GAD1: variants seen among roughly 807,000 people sequenced by gnomAD.
GAD1 encodes the protein 67 kDa glutamic acid decarboxylase.
GAD1 carries 35 observed loss-of-function variants against 75.2 expected under a neutral mutation model. The observed-to-expected ratio is 0.47, with a 90% CI of 0.36 to 0.62. The LOEUF (loss-of-function observed/expected upper bound fraction) is 0.62, where lower values mean the gene tolerates loss of function less well. GAD1 is among the 20% of genes least tolerant of loss of function. The pLI is 0.00. For missense variants in GAD1, 490 were observed against 758.5 expected, an observed-to-expected ratio of 0.65 and a Z score of 4.16; for synonymous variants, 257 against 271.9, an observed-to-expected ratio of 0.95 and a Z score of 0.54.
chr2:170,822,035 C>T (rs1032117255), intron 2 of GAD1, 52 bp from the exon 3 acceptor site: 1 of 1,466,326 alleles, frequency 6.8e-7, no homozygotes, highest in Non-Finnish European at 9.4e-7. Context: ...CACCCATTTC[C>T]CCGCGGTCGG....
Position 170,860,419 on chromosome 2 carries a change from A to C in GAD1, c.*537A>C, listed in dbSNP as rs1288021108. ...TCCCCATTAGTATCCTGTTAGGGGA[A>C]AATAGTAGCAGAGTCATTGTTACAG... On this transcript the variant is annotated 3_prime_UTR_variant, in exon 17 of 17. Transcript: ENST00000358196. 1 of 158,848 alleles carries C rather than the reference A, an allele frequency of 6.3e-6. No homozygotes were observed. The highest frequency in any genetic ancestry group is 1.4e-5 in the Non-Finnish European group (1 of 71,610). 9.8% of individuals were successfully genotyped at this position (158,848 alleles called of 1,614,324 possible).
intron 3 of GAD1, among the ~76,000 whole-genome samples, chr2:170,828,383 C>CCCTCCTCCCTCTGCTGTCCTCAT: frequency 2.2e-5 from 3 of 137,856 alleles, no homozygotes; most frequent in African/African-American, 8.5e-5. Flanking sequence ...GCTGTCCTCA[C>CCCTCCTCCCTCTGCTGTCCTCAT]CCTCCTCCCT....
intron 3 of GAD1, chr2:170,829,209 C>T: frequency 8.0e-6 from 4 of 501,924 alleles, no homozygotes; most frequent in South Asian, 6.2e-5. Context: ...TGTGAGTTCA[C>T]TGTCACATTC....
intron 3 of GAD1, among the ~76,000 whole-genome samples, chr2:170,828,005 A>G (rs898663040): frequency 6.6e-6 from 1 of 151,984 alleles, no homozygotes; most frequent in Non-Finnish European, 1.5e-5. Flanking sequence ...TGTCTGCCCG[A>G]ATCCTCTGTG....
intron 3 of GAD1, among the ~76,000 whole-genome samples, chr2:170,823,163 G>A (rs186806146): frequency 1.3e-5 from 2 of 152,176 alleles, no homozygotes; most frequent in Admixed American, 1.3e-4. Flanking sequence ...AAGATTAACG[G>A]GCGGCTTATT....
At chr2:170,828,547 A>AC in intron 3 of GAD1, among the ~76,000 whole-genome samples, 1 of 90,440 alleles carries the variant, frequency 1.1e-5, no homozygotes, top group Non-Finnish European at 2.2e-5. Flanking sequence ...TGCTGTCCTC[A>AC]CCCTCCTACC....
At chr2:170,815,850 C>A (rs1701685655), upstream of GAD1, among the ~76,000 whole-genome samples, 1 of 152,224 alleles carries the variant, frequency 6.6e-6, no homozygotes. Flanking sequence ...TCCGCTCGGG[C>A]GCTGGCGGAG....
chr2:170,846,759 A>T (rs913808214), intron 10 of GAD1, among the ~76,000 whole-genome samples: 1 of 152,204 alleles, frequency 6.6e-6, no homozygotes, highest in Non-Finnish European at 1.5e-5. Flanking sequence ...TAATCCCAGC[A>T]CTTTGGGAGG....
intron 3 of GAD1, among the ~76,000 whole-genome samples, chr2:170,828,594 CCCT>C (rs1447886453): frequency 1.4e-5 from 2 of 139,226 alleles, no homozygotes; most frequent in Non-Finnish European, 3.1e-5. Flanking sequence ...CTGTCCTCAC[CCCT>C]CCTCTTCCCT....
At chr2:170,816,602 ACAG>A (rs1701703026), upstream of GAD1, 1 of 151,886 alleles carries the variant, frequency 6.6e-6, no homozygotes, top group African/African-American at 2.4e-5. Flanking sequence ...CTCTCACCCG[ACAG>A]CCTGCCTATT....
At chr2:170,849,725 A>T (rs954402248) in intron 12 of GAD1, among the ~76,000 whole-genome samples, 15 of 152,214 alleles carry the variant, frequency 9.9e-5, no homozygotes, top group African/African-American at 2.7e-4. Context: ...GAAAGACAAT[A>T]AACAAGTAGT....
At chr2:170,821,186 C>T (rs1016667552) in intron 2 of GAD1, among the ~76,000 whole-genome samples, 15 of 152,136 alleles carry the variant, frequency 9.9e-5, no homozygotes. Context: ...AAGGGGATTT[C>T]GTGCTGGGCT....
In GAD1 at chr2:170,821,097, C is replaced by T. The variant is rs576502665; in HGVS notation, c.83-990C>T. 8.5e-5 allele frequency among the ~76,000 whole-genome samples: 13 copies of T among 152,342 alleles called. No individual in the cohort carries two copies. In the South Asian group the frequency reaches 2.5e-3, roughly 29 times the overall value. ...ATGGATGTCACTCTCCTTATCGCCT[C>T]CAACACCTGTGCGAAGCTGGAGGCA... is the stretch of plus-strand genomic sequence containing the variant. On this transcript the variant is annotated intron_variant, in intron 2 of 16. Transcript: ENST00000358196.
chr2:170,828,838 C>T, intron 3 of GAD1: 1 of 209,808 alleles, frequency 4.8e-6, no homozygotes, highest in Non-Finnish European at 9.6e-6. Context: ...ACCTCTCCTC[C>T]CTCTGCTGTC....
intron 12 of GAD1, 22 bp downstream of exon 12, chr2:170,849,372 G>A (rs1204253011): frequency 1.2e-6 from 2 of 1,611,984 alleles, no homozygotes; most frequent in Admixed American, 1.7e-5. Flanking sequence ...AACTCGCCAG[G>A]CCTCCTTCCA....
At chr2:170,856,506 T>C (rs1248413096) in intron 14 of GAD1, among the ~76,000 whole-genome samples, 1 of 152,248 alleles carries the variant, frequency 6.6e-6, no homozygotes, top group East Asian at 1.9e-4. Flanking sequence ...AGTTATTTGT[T>C]GTTGTTGTTG....
At chr2:170,855,272 G>A (rs374985798) in intron 14 of GAD1, among the ~76,000 whole-genome samples, 8 of 149,088 alleles carry the variant, frequency 5.4e-5, no homozygotes, top group Admixed American at 2.7e-4. Context: ...TCAGAGGCGC[G>A]ATCTCTGCTC....
chr2:170,827,615 G>T (rs1051246193), intron 3 of GAD1, among the ~76,000 whole-genome samples: 1 of 152,184 alleles, frequency 6.6e-6, no homozygotes, highest in African/African-American at 2.4e-5. Flanking sequence ...TCACTCCGAG[G>T]GGCAGAGGTG....
intron 6 of GAD1, among the ~76,000 whole-genome samples, chr2:170,842,078 T>C (rs1325996902): frequency 6.6e-6 from 1 of 152,186 alleles, no homozygotes; most frequent in East Asian, 1.9e-4. Flanking sequence ...TGATAAACTC[T>C]CTAGACTCTT....
Sources: allele counts gnomAD v4.1 joint callset (sites outside exome capture counted in the v4.1 genomes callset), GRCh38; gene constraint gnomAD v4.1.1; transcripts MANE v1.5; gene names NCBI Gene and HGNC (gene_info 2026-07-23, HGNC 2026-07-21).